The following TMEM131 variants were observed in gnomAD, a reference collection of about 807,000 sequenced individuals.
TMEM131 encodes transmembrane protein 131.
A neutral mutation model predicts 211.6 loss-of-function variants in TMEM131; 66 were observed. The observed-to-expected ratio is 0.31, with a 90% CI of 0.26 to 0.38. TMEM131 has a LOEUF of 0.38. Among genes scored for constraint, TMEM131 ranks in the 10% least tolerant of loss-of-function variants. TMEM131 has a pLI of 1.00. For synonymous variants in TMEM131, 844 were observed against 841.3 expected (o/e 1.00, Z -0.06); for missense variants, 2,036 against 2,299.3 (o/e 0.89, Z 2.34).
chr2:97,912,957 CA>C (rs1676348607), intron 2 of TMEM131: 2 of 152,256 alleles, frequency 1.3e-5, no homozygotes, highest in African/African-American at 2.4e-5. Context: ...ATAAAACGAA[CA>C]CATCTGATAA....
At chr2:97,938,171 T>C (rs7577886) in intron 1 of TMEM131, among the ~76,000 whole-genome samples, 114,282 of 152,084 alleles carry the variant, frequency 0.75, 44,630 homozygotes, top group African/African-American at 0.87. Flanking sequence ...CAAATTCACA[T>C]ATAACAATAT....
chr2:97,924,487 G>A (rs1365569861), intron 2 of TMEM131, among the ~76,000 whole-genome samples: 1 of 152,132 alleles, frequency 6.6e-6, no homozygotes, highest in African/African-American at 2.4e-5. Context: ...CTGGCCCTGT[G>A]GGGACAGGCA....
rs1321138234 is a variant in TMEM131, at chr2:97,802,425, T to C, written c.2651+3A>G. ...CACTGTGATGATCCCAAGCAATACT[T>C]ACCTTGATACTAACTTATCTACAAA... On this transcript the variant is annotated splice_donor_region_variant and intron_variant, in intron 24 of 40. Coordinates refer to ENST00000186436, the MANE Select transcript of TMEM131 (RefSeq NM_015348.2). 1.9e-6 allele frequency: 3 copies of C among 1,588,186 alleles called. No individual in the cohort carries two copies. The highest frequency in any genetic ancestry group is 4.5e-5 in the East Asian group (2 of 44,684).
intron 5 of TMEM131, among the ~76,000 whole-genome samples, chr2:97,845,043 A>G (rs1267023397): frequency 2.6e-5 from 4 of 152,028 alleles, no homozygotes; most frequent in African/African-American, 9.7e-5. Context: ...CTCCTACATT[A>G]CCACCAACAA....
chr2:97,991,434 G>T (rs887355344), intron 1 of TMEM131, among the ~76,000 whole-genome samples: 1 of 152,176 alleles, frequency 6.6e-6, no homozygotes, highest in Non-Finnish European at 1.5e-5. Flanking sequence ...AGGCACTGAT[G>T]CCACTTGGTG....
At chr2:97,870,117 T>G (rs1674431723) in intron 4 of TMEM131, among the ~76,000 whole-genome samples, 1 of 152,116 alleles carries the variant, frequency 6.6e-6, no homozygotes, top group African/African-American at 2.4e-5. Flanking sequence ...AAAGCCAGAT[T>G]TTAAAGGTTC....
At position 97,756,973 on chromosome 2, in the gene TMEM131, T is replaced by G. The variant is rs889532949; in HGVS notation, c.*126A>C. On this transcript the variant is annotated 3_prime_UTR_variant, in exon 41 of 41. Transcript: ENST00000186436. ...GTGGTCTGAGCCTGCCCTGCTTGGG[T>G]CTGTTTTGCAAAGAAGAGGAGGGTG... is the stretch of plus-strand genomic sequence containing the variant. The G allele has an allele frequency of 2.8e-5, 33 of 1,169,272 alleles. No individual in the cohort carries two copies. In the African/African-American group the frequency reaches 4.2e-4, roughly 15 times the overall value. The allele number at this position is 1,169,272 out of a possible 1,614,324, so 72.4% of individuals were successfully genotyped here.
At chr2:97,842,020 C>T (rs892783380) in intron 6 of TMEM131, 83 bp from the exon 7 acceptor site, 1 of 1,212,746 alleles carries the variant, frequency 8.2e-7, no homozygotes, top group Non-Finnish European at 1.1e-6. Flanking sequence ...TCTAGGGAGA[C>T]TGGCAAATCT....
At chr2:97,903,676 GGTTT>G (rs151007374) in intron 3 of TMEM131, among the ~76,000 whole-genome samples, 1,851 of 152,008 alleles carry the variant, frequency 0.012, 39 homozygotes, top group African/African-American at 0.041. Flanking sequence ...ACTCTAGCTG[GGTTT>G]GTTTGTTTAT....
chr2:97,837,303 T>C lies in TMEM131; in HGVS notation c.724-146A>G, dbSNP rs572015072. On this transcript the variant is annotated intron_variant, in intron 7 of 40. Transcript: ENST00000186436. ...AAACGTAGGATATGTATAATATCAC[T>C]AAATTCAGTGCTCTGTATGTGTAAG... 1.1e-5 allele frequency: 6 copies of C among 565,498 alleles called. No individual in the cohort carries two copies. The East Asian group carries it at 1.9e-4, about 18-fold the overall frequency. The allele number at this position is 565,498 out of a possible 1,614,324, so 35.0% of individuals were successfully genotyped here.
intron 4 of TMEM131, among the ~76,000 whole-genome samples, chr2:97,866,193 G>A (rs926176836): frequency 3.3e-5 from 5 of 152,250 alleles, no homozygotes; most frequent in Non-Finnish European, 7.3e-5. Context: ...TTTCTGGCAA[G>A]TTTTTAAATG....
In TMEM131 at chr2:97,792,829, T is replaced by G. The variant is rs1680567985; in HGVS notation, c.3701A>C (p.Asn1234Thr). 2 of 1,613,900 alleles carry G rather than the reference T, an allele frequency of 1.2e-6. No homozygotes were observed. Among genetic ancestry groups the G allele is most frequent in the Non-Finnish European group, 1.7e-6 (2 of 1,179,866 alleles). Residue 1234 changes from asparagine to threonine, a missense_variant, in exon 31 of 41, where the codon AAC becomes ACC. Asn to Thr is a moderately conservative substitution (Grantham distance 65). Coordinates refer to ENST00000186436, the MANE Select transcript of TMEM131 (RefSeq NM_015348.2). ...ACTTGAACTGTTTTTGGCTCTGACG[T>G]TTTCCACGTCAGCTGAGTTTCTATT... ...HSNRNSADVENVRAKNSSSTS... is the reference protein window; with the variant it reads ...HSNRNSADVETVRAKNSSSTS...
intron 11 of TMEM131, among the ~76,000 whole-genome samples, chr2:97,826,036 C>A (rs1009963301): frequency 2.0e-5 from 3 of 152,228 alleles, no homozygotes; most frequent in African/African-American, 7.2e-5. Context: ...GGGAACCAAT[C>A]GAGCATGACT....
intron 25 of TMEM131, among the ~76,000 whole-genome samples, chr2:97,799,843 T>C (rs980177527): frequency 6.6e-6 from 1 of 152,184 alleles, no homozygotes; most frequent in African/African-American, 2.4e-5. Flanking sequence ...AGATTTTCAT[T>C]ACATACTTCG....
intron 3 of TMEM131, among the ~76,000 whole-genome samples, chr2:97,906,437 C>T (rs370727736): frequency 4.6e-5 from 7 of 152,170 alleles, no homozygotes; most frequent in Non-Finnish European, 8.8e-5. Flanking sequence ...TCAGTAGGTA[C>T]GGAGCTCTTT....
In TMEM131 at chr2:97,796,833, G is replaced by A. The variant is rs1187959729; in HGVS notation, c.3013+11C>T. On this transcript the variant is annotated intron_variant, in intron 27 of 40. Coordinates refer to ENST00000186436, the MANE Select transcript of TMEM131 (RefSeq NM_015348.2). ...GAAATTAGTGTCCTTGAAACTGTTA[G>A]GAAGACTTACTATCTGTACAATCTT... is the stretch of plus-strand genomic sequence containing the variant. The A allele has an allele frequency of 1.9e-6, 3 of 1,609,070 alleles. No homozygotes were observed. The highest frequency in any genetic ancestry group is 2.5e-6 in the Non-Finnish European group (3 of 1,178,006).
intron 3 of TMEM131, among the ~76,000 whole-genome samples, chr2:97,895,792 T>A (rs530228770): frequency 6.6e-6 from 1 of 152,034 alleles, no homozygotes; most frequent in South Asian, 2.1e-4. Flanking sequence ...AGTGATTTAT[T>A]TTGTTGGTCT....
intron 1 of TMEM131, among the ~76,000 whole-genome samples, chr2:97,938,808 T>G (rs948996546): frequency 6.6e-6 from 1 of 152,054 alleles, no homozygotes; most frequent in Non-Finnish European, 1.5e-5. Flanking sequence ...TGTAAAAGAA[T>G]AGAAATTATA....
intron 1 of TMEM131, among the ~76,000 whole-genome samples, chr2:97,981,971 A>G (rs188524389): frequency 1.3e-5 from 2 of 152,324 alleles, no homozygotes; most frequent in East Asian, 3.8e-4. Context: ...TTTGGCTACT[A>G]TAAATAATGC....
Sources: gnomAD v4.1 joint callset for allele counts (sites outside exome capture counted in the v4.1 genomes callset) on GRCh38, gnomAD v4.1.1 for gene constraint, MANE v1.5 for transcripts, NCBI Gene and HGNC (gene_info 2026-07-23, HGNC 2026-07-21) for gene names.